Variants in PCDHA9 observed in about 807,000 individuals in gnomAD.
The protein encoded by PCDHA9 is protocadherin alpha-9.
PCDHA9 carries 62 observed loss-of-function variants against 62.0 expected under a neutral mutation model. That is an observed-to-expected ratio of 1.00 (90% CI 0.81 to 1.23). The LOEUF (loss-of-function observed/expected upper bound fraction) is 1.23, where lower values mean the gene tolerates loss of function less well. Ranked by LOEUF, PCDHA9 falls within the 50% of genes most tolerant of loss-of-function variation. PCDHA9 has a pLI of 0.00. For missense variants in PCDHA9, 1,205 were observed against 1,249.8 expected (o/e 0.96, Z 0.54); for synonymous variants, 557 against 567.6 (o/e 0.98, Z 0.27).
At chr5:140,876,745 G>T (rs782242909) in intron 1 of PCDHA9, 2 of 1,614,264 alleles carry the variant, frequency 1.2e-6, no homozygotes, top group South Asian at 2.2e-5. Flanking sequence ...TGAGCTGGTG[G>T]TGACTGCGCG....
At chr5:140,870,543 CGCGGACGCGCAG>C in intron 1 of PCDHA9, 1 of 1,614,114 alleles carries the variant, frequency 6.2e-7, no homozygotes, top group Non-Finnish European at 8.5e-7. Context: ...CGGCGCGGGA[CGCGGACGCGCAG>C]GAGAACGCGC....
At chr5:140,992,017 C>CTGTGTGTGTGTGTG (rs10602499) in intron 3 of PCDHA9, among the ~76,000 whole-genome samples, 1 of 145,628 alleles carries the variant, frequency 6.9e-6, no homozygotes, top group African/African-American at 2.5e-5. Flanking sequence ...AGAGGTGGCT[C>CTGTGTGTGTGTGTG]TGTGTGTGTG....
At chr5:140,975,154 G>C (rs73268051) in intron 1 of PCDHA9, among the ~76,000 whole-genome samples, 1,571 of 152,266 alleles carry the variant, frequency 0.01, 23 homozygotes, top group African/African-American at 0.036. Flanking sequence ...TCAGTTCCTA[G>C]AGAACTGAGG....
At chr5:140,966,751 G>A (rs1554228608) in intron 1 of PCDHA9, 1 of 1,429,674 alleles carries the variant, frequency 7.0e-7, no homozygotes, top group Admixed American at 2.7e-5. Flanking sequence ...GGCTGCCTCC[G>A]CCGCGGCCAG....
At position 140,869,199 on chromosome 5, in the gene PCDHA9, C is replaced by G. The variant is rs1315511579; in HGVS notation, c.2394+18310C>G. 8 of 1,613,906 alleles carry G rather than the reference C, an allele frequency of 5.0e-6. No individual in the cohort carries two copies. In the African/African-American group the frequency reaches 1.1e-4, roughly 22 times the overall value. On this transcript the variant is annotated intron_variant, in intron 1 of 3. Coordinates refer to ENST00000532602, the MANE Select transcript of PCDHA9 (RefSeq NM_031857.2). The stretch of plus-strand genomic sequence containing the variant: ...GGGAGGTGGGGAGCGGCCAGCTCCA[C>G]TACTCCGTCTCGGAGGAGGCCAAAC...
chr5:140,972,469 C>G (rs782470724), intron 1 of PCDHA9, among the ~76,000 whole-genome samples: 6 of 152,054 alleles, frequency 3.9e-5, no homozygotes, highest in Admixed American at 3.9e-4. Context: ...TATTAAACAT[C>G]AGCATTTAAC....
rs782169362 is a variant in PCDHA9, at chr5:140,979,015, T to G, written c.2453+8T>G. Reference sequence around the variant, plus strand: ...GAGAGCAGGCATGCACAGGTATGTATTTCCCTCCTCATTCACTCAGAAGTA... The same window carrying G: ...GAGAGCAGGCATGCACAGGTATGTAGTTCCCTCCTCATTCACTCAGAAGTA... On this transcript the variant is annotated splice_region_variant and intron_variant, in intron 2 of 3. Transcript: ENST00000532602. 3 of 1,613,920 alleles carry G rather than the reference T, an allele frequency of 1.9e-6. No individual in the cohort carries two copies. The highest frequency in any genetic ancestry group is 2.5e-6 in the Non-Finnish European group (3 of 1,179,908).
intron 1 of PCDHA9, chr5:140,877,758 G>C: frequency 6.2e-7 from 1 of 1,614,190 alleles, no homozygotes; most frequent in Non-Finnish European, 8.5e-7. Context: ...GCTCTGCAGA[G>C]AGCCCGCCCA....
intron 1 of PCDHA9, chr5:140,857,104 TTC>T: frequency 6.3e-7 from 1 of 1,597,962 alleles, no homozygotes; most frequent in Non-Finnish European, 8.6e-7. Flanking sequence ...TGATTGTCAC[TTC>T]TCTGTCTCTC....
chr5:140,927,226 A>G, intron 1 of PCDHA9: 4 of 1,613,996 alleles, frequency 2.5e-6, no homozygotes, highest in Non-Finnish European at 3.4e-6. Context: ...CAAGATTCGG[A>G]TTCACGTCCT....
At chr5:141,001,030 G>A (rs1356604139) in intron 3 of PCDHA9, among the ~76,000 whole-genome samples, 1 of 151,894 alleles carries the variant, frequency 6.6e-6, no homozygotes, top group Non-Finnish European at 1.5e-5. Context: ...TATAATAATA[G>A]CTTTAATTAA....
At chr5:140,906,914 GC>G (rs2073038837) in intron 1 of PCDHA9, among the ~76,000 whole-genome samples, 1 of 152,182 alleles carries the variant, frequency 6.6e-6, no homozygotes, top group Admixed American at 6.5e-5. Context: ...GGTAGGAGGA[GC>G]CCAAAAAGTG....
chr5:140,978,688 G>A (rs1258023605), intron 1 of PCDHA9, among the ~76,000 whole-genome samples: 2 of 152,238 alleles, frequency 1.3e-5, no homozygotes, highest in African/African-American at 4.8e-5. Context: ...TATTGGGCAA[G>A]GCAAAGCCAA....
chr5:140,898,246 A>G (rs377438166), intron 1 of PCDHA9, among the ~76,000 whole-genome samples: 49 of 152,286 alleles, frequency 3.2e-4, no homozygotes, highest in African/African-American at 1.1e-3. Context: ...TTGGTGTTTT[A>G]GACATGAAGT....
intron 3 of PCDHA9, among the ~76,000 whole-genome samples, chr5:140,999,452 G>A (rs141442204): frequency 6.4e-4 from 97 of 152,234 alleles, no homozygotes; most frequent in African/African-American, 2.1e-3. Flanking sequence ...TTCGTTCAAC[G>A]AATAAGTGGT....
In PCDHA9 at chr5:140,982,553, T is replaced by A. The variant is rs782605920; in HGVS notation, c.2532T>A (p.Ser844Arg). The A allele has an allele frequency of 1.9e-5, 30 of 1,614,054 alleles. No homozygotes were observed. In the South Asian group the frequency reaches 3.2e-4, roughly 17 times the overall value. ...GPDQQWPTVS[S>R]ATPEPEAGEV... ...ATCAGCAGTGGCCAACAGTATCCAG[T>A]GCAACACCAGGTAAAGAGCTGGGGT... The change falls in exon 3 of 4, where the codon AGT (serine) becomes AGA (arginine). Residue 844 changes from serine (S) to arginine (R), a missense_variant. Transcript: ENST00000532602.
chr5:140,850,170 AACG>A lies in PCDHA9; in HGVS notation c.1678_1680del (p.Asp560del), dbSNP rs2150470514. 1 of 1,594,520 alleles carries A rather than the reference AACG, an allele frequency of 6.3e-7. No homozygotes were observed. The highest frequency in any genetic ancestry group is 8.6e-7 in the Non-Finnish European group (1 of 1,167,666). On this transcript the variant is annotated inframe_deletion, in exon 1 of 4. Transcript: ENST00000532602. ...GCTGCAGGTGTTCGTGCTGGACGAG[AACG>A]ACAATGCGCCGGCGCTGCTGACACC...
chr5:140,884,604 G>A lies in PCDHA9; in HGVS notation c.2394+33715G>A. The A allele has an allele frequency of 1.2e-6, 2 of 1,614,140 alleles. 1 individual carries two copies. Among genetic ancestry groups the A allele is most frequent in the Middle Eastern group, 3.3e-4 (2 of 6,062 alleles). On this transcript the variant is annotated intron_variant, in intron 1 of 3. Coordinates refer to ENST00000532602, the MANE Select transcript of PCDHA9 (RefSeq NM_031857.2). Reference sequence around the variant, plus strand: ...GCCTTCAGTCCCAGCCTTCCTCCTTGTCTGGGTTCTGCAGAGGGAACAGGC... The same window carrying A: ...GCCTTCAGTCCCAGCCTTCCTCCTTATCTGGGTTCTGCAGAGGGAACAGGC...
rs782166134 is a variant in PCDHA9 at position 140,929,299 on chromosome 5, G to C, written c.2395-49650G>C. Reference sequence around the variant, plus strand: ...CTGTATTCAGATTCGGAATAGGAAAGGGGATCACGCTAATGTCAATGCCAT... The same window carrying C: ...CTGTATTCAGATTCGGAATAGGAAACGGGATCACGCTAATGTCAATGCCAT... On this transcript the variant is annotated intron_variant, in intron 1 of 3. Coordinates refer to ENST00000532602, the MANE Select transcript of PCDHA9 (RefSeq NM_031857.2). 1.2e-5 allele frequency: 19 copies of C among 1,590,714 alleles called. No individual in the cohort carries two copies. The highest frequency in any genetic ancestry group is 1.6e-5 in the Non-Finnish European group (19 of 1,164,870).
Sources: gnomAD v4.1 joint callset for allele counts (sites outside exome capture counted in the v4.1 genomes callset) on GRCh38, gnomAD v4.1.1 for gene constraint, MANE v1.5 for transcripts, NCBI Gene and HGNC (gene_info 2026-07-23, HGNC 2026-07-21) for gene names.